PAX5: variants seen among roughly 807,000 people sequenced by gnomAD.
PAX5 encodes paired box protein Pax-5.
Under a neutral mutation model 43.7 loss-of-function variants are expected in PAX5, and 9 were observed. The observed-to-expected ratio is 0.21, with a 90% CI of 0.12 to 0.36. The LOEUF (loss-of-function observed/expected upper bound fraction) is 0.36. PAX5 is among the 10% of genes least tolerant of loss of function. The pLI, the probability that PAX5 is intolerant of heterozygous loss-of-function variation, is 1.00. For synonymous variants in PAX5, 228 were observed against 214.3 expected, an observed-to-expected ratio of 1.06 and a Z score of -0.56; for missense variants, 383 against 532.7, an observed-to-expected ratio of 0.72 and a Z score of 2.77.
chr9:36,881,929 T>C, intron 8 of PAX5, 75 bp downstream of exon 8: 1 of 1,069,006 alleles, frequency 9.4e-7, no homozygotes, highest in Non-Finnish European at 1.4e-6. Flanking sequence ...TCACCCAGGC[T>C]GTTTGGGGGG....
chr9:36,935,484 C>G lies in PAX5; in HGVS notation c.781-12000G>C, dbSNP rs1394915956. Among the ~76,000 whole-genome samples the G allele has an allele frequency of 4.6e-5, 7 of 152,298 alleles. No individual in the cohort carries two copies. In the South Asian group the frequency reaches 8.3e-4, roughly 18 times the overall value. ...GACTCATCTCCCCCTGTTCTGTTTACAGCCTGCCAGGCCCCCCTCAGGCAC... is the reference window on the plus strand; with the variant it reads ...GACTCATCTCCCCCTGTTCTGTTTAGAGCCTGCCAGGCCCCCCTCAGGCAC... On this transcript the variant is annotated intron_variant, in intron 6 of 9. Transcript: ENST00000358127.
At chr9:37,011,268 C>A (rs1336164446) in intron 3 of PAX5, among the ~76,000 whole-genome samples, 2 of 152,122 alleles carry the variant, frequency 1.3e-5, no homozygotes, top group Non-Finnish European at 2.9e-5. Context: ...TGTTAGCCTG[C>A]ACAGTATATT....
chr9:36,838,817 A>C lies in PAX5; in HGVS notation c.*1743T>G, dbSNP rs1405361869. 1 of 233,200 alleles carries C rather than the reference A, an allele frequency of 4.3e-6. No homozygotes were observed. Among genetic ancestry groups the C allele is most frequent in the Non-Finnish European group, 8.5e-6 (1 of 118,112 alleles). 14.4% of individuals were successfully genotyped at this position (233,200 alleles called of 1,614,324 possible). ...GCCCTACAGATGACCCTGCTGCACC[A>C]AGGCAGCCAAGGCTCAAAGAGGTGC... is the stretch of plus-strand genomic sequence containing the variant. On this transcript the variant is annotated 3_prime_UTR_variant, in exon 10 of 10. Coordinates refer to ENST00000358127, the MANE Select transcript of PAX5 (RefSeq NM_016734.3).
chr9:36,909,885 G>A (rs1587941398), intron 7 of PAX5, among the ~76,000 whole-genome samples: 1 of 138,564 alleles, frequency 7.2e-6, no homozygotes, highest in Non-Finnish European at 1.5e-5. Context: ...GCAGTGGCAC[G>A]ATCATGGCTC....
chr9:36,895,566 A>C (rs1827792715), intron 7 of PAX5, among the ~76,000 whole-genome samples: 1 of 152,212 alleles, frequency 6.6e-6, no homozygotes, highest in South Asian at 2.1e-4. Flanking sequence ...TAGACTGCTT[A>C]AAAGGATTCA....
At chr9:37,016,441 T>C (rs1839390738) in intron 2 of PAX5, among the ~76,000 whole-genome samples, 1 of 152,198 alleles carries the variant, frequency 6.6e-6, no homozygotes, top group African/African-American at 2.4e-5. Context: ...CTGAGGTAAA[T>C]GGCTGTTTCT....
At chr9:36,935,147 C>T (rs951166904) in intron 6 of PAX5, among the ~76,000 whole-genome samples, 4 of 151,940 alleles carry the variant, frequency 2.6e-5, no homozygotes, top group African/African-American at 7.3e-5. Flanking sequence ...TTTGGGAGGC[C>T]GAGGCGGGCA....
At chr9:36,894,065 C>T (rs1233963494) in intron 7 of PAX5, among the ~76,000 whole-genome samples, 4 of 152,148 alleles carry the variant, frequency 2.6e-5, no homozygotes, top group Admixed American at 1.3e-4. Flanking sequence ...CTGATCGAGA[C>T]CCGCCACGCC....
chr9:36,871,174 C>T (rs888788786), intron 8 of PAX5, among the ~76,000 whole-genome samples: 3 of 152,204 alleles, frequency 2.0e-5, no homozygotes, highest in Non-Finnish European at 2.9e-5. Flanking sequence ...GCTGCTCTGC[C>T]ACCTGCTGTG....
intron 9 of PAX5, among the ~76,000 whole-genome samples, chr9:36,846,356 G>C (rs1411757389): frequency 6.6e-6 from 1 of 151,782 alleles, no homozygotes; most frequent in Non-Finnish European, 1.5e-5. Context: ...GGTTCTAACA[G>C]AGCCGGCTCT....
At position 36,882,059 on chromosome 9, in the gene PAX5, G is replaced by T. The variant is rs563606361; in HGVS notation, c.957C>A (p.Val319=). 1.7e-5 allele frequency: 27 copies of T among 1,611,096 alleles called. No homozygotes were observed. In the East Asian group the frequency reaches 4.3e-4, roughly 25 times the overall value. Residue 319 remains valine, a synonymous_variant, in exon 8 of 10, where the codon GTC becomes GTA. Transcript: ENST00000358127. The surrounding 1 kb of genome is among the most constrained non-coding windows in gnomAD (Gnocchi z 4.4). ...AGTAGCTGCCCTGTCCAGCGGGGGG[G>T]ACGTGTGGAGGGTACCCGGGGAGGG... ...STTLPGYPPH[V]PPAGQGSYSA...
At chr9:37,006,665 G>A in intron 3 of PAX5, 128 bp from the exon 4 acceptor site, 1 of 751,656 alleles carries the variant, frequency 1.3e-6, no homozygotes. Context: ...AGGCAGAGGG[G>A]CAGAGGTGGA....
chr9:37,020,855 A>G, intron 1 of PAX5, 54 bp from the exon 2 acceptor site: 4 of 1,591,080 alleles, frequency 2.5e-6, no homozygotes, highest in South Asian at 2.2e-5. Flanking sequence ...AACCAGTCAC[A>G]TAGGAGAAGC....
At chr9:36,996,040 C>A (rs907680220) in intron 5 of PAX5, among the ~76,000 whole-genome samples, 1 of 152,224 alleles carries the variant, frequency 6.6e-6, no homozygotes, top group East Asian at 1.9e-4. Context: ...GCCTGGATGC[C>A]CCGGGCTCCC....
intron 7 of PAX5, among the ~76,000 whole-genome samples, chr9:36,883,100 G>T (rs1049784432): frequency 1.7e-4 from 26 of 152,152 alleles, no homozygotes; most frequent in Non-Finnish European, 5.9e-5. Flanking sequence ...TCGTGAGAGG[G>T]GAGGGAACTT....
chr9:36,953,755 A>G (rs1007833090), intron 6 of PAX5, among the ~76,000 whole-genome samples: 7 of 152,122 alleles, frequency 4.6e-5, no homozygotes, highest in Non-Finnish European at 8.8e-5. Flanking sequence ...ACAGTCCTTA[A>G]CATATTAATT....
chr9:36,948,280 C>T (rs898343366), intron 6 of PAX5, among the ~76,000 whole-genome samples: 1 of 152,132 alleles, frequency 6.6e-6, no homozygotes, highest in Non-Finnish European at 1.5e-5. Context: ...GTGGGAGCGG[C>T]GAGTGTCCCT....
At chr9:36,921,697 C>A (rs1023866859) in intron 7 of PAX5, among the ~76,000 whole-genome samples, 2 of 152,218 alleles carry the variant, frequency 1.3e-5, no homozygotes, top group African/African-American at 4.8e-5. Context: ...TTCGCTAATC[C>A]AGGTTTCTTT....
At chr9:37,007,146 G>A (rs1838469480) in intron 3 of PAX5, among the ~76,000 whole-genome samples, 1 of 152,222 alleles carries the variant, frequency 6.6e-6, no homozygotes, top group Non-Finnish European at 1.5e-5. Flanking sequence ...TTAAGAGGAA[G>A]CCTACCTTGC....
Sources: allele counts gnomAD v4.1 joint callset (sites outside exome capture counted in the v4.1 genomes callset), GRCh38; gene constraint gnomAD v4.1.1; non-coding constraint Gnocchi (gnomAD v3.1); transcripts MANE v1.5; gene names NCBI Gene and HGNC (gene_info 2026-07-23, HGNC 2026-07-21).